Variants in TSPAN18 observed in about 807,000 individuals in gnomAD.
TSPAN18 encodes the protein tetraspanin 18.
Under a neutral mutation model 27.3 loss-of-function variants are expected in TSPAN18, and 14 were observed. That is an observed-to-expected ratio of 0.51 (90% CI 0.34 to 0.80). The LOEUF (loss-of-function observed/expected upper bound fraction) is 0.80, where lower values mean the gene tolerates loss of function less well. Among genes scored for constraint, TSPAN18 ranks in the 30% least tolerant of loss-of-function variants. The pLI, the probability that TSPAN18 is intolerant of heterozygous loss-of-function variation, is 0.01. For synonymous variants in TSPAN18, 143 were observed against 136.5 expected (o/e 1.05, Z -0.33); for missense variants, 268 against 323.9 (o/e 0.83, Z 1.32).
chr11:44,914,681 A>T (rs1218128892), intron 5 of TSPAN18, among the ~76,000 whole-genome samples: 2 of 152,156 alleles, frequency 1.3e-5, no homozygotes, highest in Non-Finnish European at 2.9e-5. Context: ...CCCACCAGCT[A>T]TGCCAGCTTG....
At position 44,882,627 on chromosome 11, in the gene TSPAN18, C is replaced by CACAGAGAG. The variant is rs375349718; in HGVS notation, c.-11+22159_-11+22160insCAGAGAGA. 3.8e-3 allele frequency among the ~76,000 whole-genome samples: 494 copies of CACAGAGAG among 130,686 alleles called. 3 individuals are homozygous for CACAGAGAG. Among genetic ancestry groups the CACAGAGAG allele is most frequent in the Non-Finnish European group, 4.2e-3 (261 of 62,438 alleles). The allele number at this position is 130,686 out of a possible 152,430, so 85.7% of individuals were successfully genotyped here. A position where few individuals can be genotyped will look rare whatever the true frequency, so the allele number is the denominator to read the frequency against. On this transcript the variant is annotated intron_variant, in intron 3 of 9. Transcript: ENST00000520358. ...ACACACACACACACACACACACACA[C>CACAGAGAG]AGAGAGAGAGCATGTGCGTGCATGT...
rs572486941 is a variant in TSPAN18, at chr11:44,808,955, C to T, written c.-153+44443C>T. On this transcript the variant is annotated intron_variant, in intron 2 of 9. Coordinates refer to ENST00000520358, the MANE Select transcript of TSPAN18 (RefSeq NM_130783.5). ...ACTCCTTTCCAGGCTTACACCCCCT[C>T]GGAAATCATGGTAATCGTAGGAGCT... Among the ~76,000 whole-genome samples the T allele has an allele frequency of 3.9e-5, 6 of 152,284 alleles. No homozygotes were observed. In the South Asian group the frequency reaches 6.2e-4, roughly 16 times the overall value.
At chr11:44,852,551 C>G (rs1313568869) in intron 2 of TSPAN18, among the ~76,000 whole-genome samples, 1 of 152,184 alleles carries the variant, frequency 6.6e-6, no homozygotes, top group African/African-American at 2.4e-5. Flanking sequence ...CAGGAGTGGC[C>G]TCAGGGGCCT....
intron 3 of TSPAN18, among the ~76,000 whole-genome samples, chr11:44,889,977 G>A (rs747750661): frequency 6.6e-6 from 1 of 152,194 alleles, no homozygotes; most frequent in Non-Finnish European, 1.5e-5. Context: ...GGCTGGGGCT[G>A]CCCTAGGCAG....
intron 3 of TSPAN18, among the ~76,000 whole-genome samples, chr11:44,863,706 T>C (rs1237846814): frequency 6.6e-6 from 1 of 152,166 alleles, no homozygotes; most frequent in Non-Finnish European, 1.5e-5. Flanking sequence ...CTTGAAACAT[T>C]GTATTCCATG....
At chr11:44,873,397 AC>A (rs1251988840) in intron 3 of TSPAN18, among the ~76,000 whole-genome samples, 3 of 152,088 alleles carry the variant, frequency 2.0e-5, no homozygotes, top group Non-Finnish European at 4.4e-5. Flanking sequence ...GACATTTTGG[AC>A]CCTGGGGATT....
chr11:44,929,322 T>C lies in TSPAN18; in HGVS notation c.*144T>C. 1 of 955,728 alleles carries C rather than the reference T, an allele frequency of 1.0e-6. No individual in the cohort carries two copies. 59.2% of individuals were successfully genotyped at this position (955,728 alleles called of 1,614,324 possible). ...ATGGCCAGGAGAAGGGCCAGGGGAA[T>C]AGAGCTATTTTTTTAACAAAACAAA... On this transcript the variant is annotated 3_prime_UTR_variant, in exon 10 of 10. Coordinates refer to ENST00000520358, the MANE Select transcript of TSPAN18 (RefSeq NM_130783.5).
upstream of TSPAN18, chr11:44,726,333 C>T (rs977422449): frequency 1.3e-5 from 2 of 152,320 alleles, no homozygotes; most frequent in Non-Finnish European, 2.9e-5. Context: ...GGCAGCAGTA[C>T]AGAGAAGAAA....
intron 8 of TSPAN18, among the ~76,000 whole-genome samples, chr11:44,923,416 C>T (rs1860219616): frequency 1.3e-5 from 2 of 152,186 alleles, no homozygotes; most frequent in East Asian, 1.9e-4. Context: ...AGAGGCTCCC[C>T]GCCATGTGTC....
At chr11:44,860,884 G>A (rs950347106) in intron 3 of TSPAN18, among the ~76,000 whole-genome samples, 24 of 152,346 alleles carry the variant, frequency 1.6e-4, no homozygotes, top group African/African-American at 5.3e-4. Flanking sequence ...CTGAACTGAG[G>A]TCAGATGCTG....
At chr11:44,839,623 T>C (rs1833253230) in intron 2 of TSPAN18, among the ~76,000 whole-genome samples, 1 of 152,142 alleles carries the variant, frequency 6.6e-6, no homozygotes, top group South Asian at 2.1e-4. Context: ...CTCTACCAAC[T>C]GCTCCAACAC....
chr11:44,825,116 C>T (rs1337977878), intron 2 of TSPAN18, among the ~76,000 whole-genome samples: 4 of 150,206 alleles, frequency 2.7e-5, no homozygotes, highest in South Asian at 2.2e-4. Context: ...ACCCCGAACT[C>T]GGGGAGGAGT....
At chr11:44,913,523 T>G (rs1318286901) in intron 5 of TSPAN18, among the ~76,000 whole-genome samples, 2 of 152,218 alleles carry the variant, frequency 1.3e-5, no homozygotes, top group Non-Finnish European at 2.9e-5. Flanking sequence ...AAATTCTAAT[T>G]TTAAAAATAT....
intron 2 of TSPAN18, among the ~76,000 whole-genome samples, chr11:44,857,161 A>G (rs1211452447): frequency 6.6e-6 from 1 of 152,162 alleles, no homozygotes; most frequent in African/African-American, 2.4e-5. Context: ...AATCTGCTGA[A>G]TTCTCAGTCA....
chr11:44,735,462 C>A (rs886585669), intron 1 of TSPAN18, among the ~76,000 whole-genome samples: 10 of 152,200 alleles, frequency 6.6e-5, no homozygotes, highest in Non-Finnish European at 1.0e-4. Context: ...TCCTCTTTGC[C>A]TCTTCCTAGC....
intron 3 of TSPAN18, among the ~76,000 whole-genome samples, chr11:44,882,627 C>CACACAGAGAG (rs375349718): frequency 4.4e-4 from 57 of 130,690 alleles, no homozygotes; most frequent in Middle Eastern, 3.7e-3. Context: ...CACACACACA[C>CACACAGAGAG]AGAGAGAGAG....
chr11:44,780,334 C>T (rs1336731338), intron 2 of TSPAN18, among the ~76,000 whole-genome samples: 1 of 152,238 alleles, frequency 6.6e-6, no homozygotes, highest in Non-Finnish European at 1.5e-5. Flanking sequence ...TACCTGGATG[C>T]CAAGCCCAGC....
chr11:44,865,030 G>C (rs1041570056), intron 3 of TSPAN18, among the ~76,000 whole-genome samples: 1 of 152,222 alleles, frequency 6.6e-6, no homozygotes, highest in Non-Finnish European at 1.5e-5. Flanking sequence ...AGCCTCAGCC[G>C]GGGTGGTTGG....
At chr11:44,835,556 G>A (rs1857247463) in intron 2 of TSPAN18, among the ~76,000 whole-genome samples, 2 of 150,308 alleles carry the variant, frequency 1.3e-5, no homozygotes, top group South Asian at 2.2e-4. Flanking sequence ...CTGAGACAGC[G>A]ATCTGCAACC....
Sources: gnomAD v4.1 joint callset for allele counts (sites outside exome capture counted in the v4.1 genomes callset) on GRCh38, gnomAD v4.1.1 for gene constraint, MANE v1.5 for transcripts, NCBI Gene and HGNC (gene_info 2026-07-23, HGNC 2026-07-21) for gene names.